GID8: variants seen among roughly 807,000 people sequenced by gnomAD.
GID8 encodes glucose-induced degradation protein 8 homolog.
A neutral mutation model predicts 27.4 loss-of-function variants in GID8; 6 were observed. That is an observed-to-expected ratio of 0.22 (90% confidence interval 0.12 to 0.43). The LOEUF is 0.43. Ranked by LOEUF, GID8 falls within the 20% of genes least tolerant of loss-of-function variation. The pLI is 1.00. For synonymous variants in GID8, 112 were observed against 109.0 expected (o/e 1.03, Z -0.17); for missense variants, 173 against 287.6 (o/e 0.60, Z 2.88).
chr20:62,943,669 C>G lies in GID8; in HGVS notation c.490C>G (p.Leu164Val). The change falls in exon 4 of 5, where the codon CTC becomes GTC. Residue 164 changes from leucine to valine, a missense_variant. Coordinates refer to ENST00000266069, the MANE Select transcript of GID8 (RefSeq NM_017896.3). This position sits in a 1 kb window ranked among gnomAD's most constrained non-coding sequence, Gnocchi z 4.7. ...SPEESPFGDL[L>V]HTMQRQKVWS... is the part of the protein sequence containing the mutation. ...CGAGGAGTCGCCCTTCGGAGACCTCCTCCACACCATGCAGAGGCAGAAGGT... is the reference window on the plus strand; with the variant it reads ...CGAGGAGTCGCCCTTCGGAGACCTCGTCCACACCATGCAGAGGCAGAAGGT... The G allele has an allele frequency of 6.2e-7, 1 of 1,613,478 alleles. No homozygotes were observed. Among genetic ancestry groups the G allele is most frequent in the Non-Finnish European group, 8.5e-7 (1 of 1,179,790 alleles).
chr20:62,939,840 C>T (rs2065432159), intron 1 of GID8, among the ~76,000 whole-genome samples: 1 of 152,174 alleles, frequency 6.6e-6, no homozygotes, highest in East Asian at 1.9e-4. Flanking sequence ...TTTATTGAAA[C>T]ACTTTAGCAG....
rs770682112 is a variant in GID8 at position 62,945,944 on chromosome 20, T to G, written c.*1032T>G. On this transcript the variant is annotated 3_prime_UTR_variant, in exon 5 of 5. Coordinates refer to ENST00000266069, the MANE Select transcript of GID8 (RefSeq NM_017896.3). The stretch of plus-strand genomic sequence containing the variant: ...CAGCTGGCTCTGCCGATGTCCTGCT[T>G]CTGTTCACTCACAGAACTGTCCCCT... 5 of 1,289,470 alleles carry G rather than the reference T, an allele frequency of 3.9e-6. No homozygotes were observed. The highest frequency in any genetic ancestry group is 2.5e-5 in the South Asian group (2 of 81,034). The allele number at this position is 1,289,470 out of a possible 1,614,324, so 79.9% of individuals were successfully genotyped here.
At chr20:62,942,623 C>T (rs2065448469) in intron 2 of GID8, among the ~76,000 whole-genome samples, 1 of 152,164 alleles carries the variant, frequency 6.6e-6, no homozygotes, top group African/African-American at 2.4e-5. Context: ...GCTGTGGAGG[C>T]TGAGCCAGTG....
intron 1 of GID8, among the ~76,000 whole-genome samples, chr20:62,940,046 TA>T (rs1002964076): frequency 1.3e-5 from 2 of 150,864 alleles, no homozygotes; most frequent in African/African-American, 2.4e-5. Flanking sequence ...TGCCCTTATT[TA>T]AAAAAAAACA....
rs1336751655 is a variant in GID8 at position 62,945,887 on chromosome 20, C to T, written c.*975C>T. ...TGTTCATCCTCAGTGATCTGCCCTC[C>T]AGCATCTCGGCAGCATCTCATCCTC... On this transcript the variant is annotated 3_prime_UTR_variant, in exon 5 of 5. Coordinates refer to ENST00000266069, the MANE Select transcript of GID8 (RefSeq NM_017896.3). The T allele has an allele frequency of 7.8e-7, 1 of 1,289,624 alleles. No homozygotes were observed. Among genetic ancestry groups the T allele is most frequent in the Admixed American group, 2.3e-5 (1 of 43,580 alleles). 79.9% of individuals were successfully genotyped at this position (1,289,624 alleles called of 1,614,324 possible).
chr20:62,941,436 C>G, intron 1 of GID8, 55 bp from the exon 2 acceptor site: 1 of 954,934 alleles, frequency 1.0e-6, no homozygotes, highest in Non-Finnish European at 1.7e-6. Flanking sequence ...GCGCTGCCCT[C>G]TGCCCTTGGA....
In GID8 at chr20:62,946,033, TTGA is replaced by T. The variant is rs1568904520; in HGVS notation, c.*1124_*1126del. The stretch of plus-strand genomic sequence containing the variant: ...GTGCATTGCCTGCGAGTCGGGACAG[TTGA>T]TGGGCACATGGCCTTGTAGCTCTGG... On this transcript the variant is annotated 3_prime_UTR_variant, in exon 5 of 5. Transcript: ENST00000266069. 1.6e-6 allele frequency: 2 copies of T among 1,288,602 alleles called. No individual in the cohort carries two copies. Among genetic ancestry groups the T allele is most frequent in the Admixed American group, 4.6e-5 (2 of 43,564 alleles). The allele number at this position is 1,288,602 out of a possible 1,614,324, so 79.8% of individuals were successfully genotyped here. A position where few individuals can be genotyped will look rare whatever the true frequency, so the allele number is the denominator to read the frequency against.
Position 62,943,057 on chromosome 20 carries a change from A to G in GID8, c.189A>G (p.Thr63=), listed in dbSNP as rs768894223. 26 of 1,612,008 alleles carry G rather than the reference A, an allele frequency of 1.6e-5. No individual in the cohort carries two copies. In the East Asian group the frequency reaches 2.5e-4, roughly 15 times the overall value. The change falls in exon 3 of 5, where the codon ACA becomes ACG. Residue 63 remains threonine, a synonymous_variant. Coordinates refer to ENST00000266069, the MANE Select transcript of GID8 (RefSeq NM_017896.3). This position sits in a 1 kb window ranked among gnomAD's most constrained non-coding sequence, Gnocchi z 4.7. ...TCGAACCTAGTGTGGATCTGGAAACACTTGATGAACGAATCAAGATCCGGG... is the reference window on the plus strand; with the variant it reads ...TCGAACCTAGTGTGGATCTGGAAACGCTTGATGAACGAATCAAGATCCGGG... ...SGIEPSVDLE[T]LDERIKIREM...
chr20:62,946,033 T>C lies in GID8; in HGVS notation c.*1121T>C, dbSNP rs1568904516. 7.8e-7 allele frequency: 1 copy of C among 1,288,602 alleles called. No individual in the cohort carries two copies. The highest frequency in any genetic ancestry group is 1.2e-5 in the South Asian group (1 of 81,016). The allele number at this position is 1,288,602 out of a possible 1,614,324, so 79.8% of individuals were successfully genotyped here. A position where few individuals can be genotyped will look rare whatever the true frequency, so the allele number is the denominator to read the frequency against. On this transcript the variant is annotated 3_prime_UTR_variant, in exon 5 of 5. Coordinates refer to ENST00000266069, the MANE Select transcript of GID8 (RefSeq NM_017896.3). ...GTGCATTGCCTGCGAGTCGGGACAG[T>C]TGATGGGCACATGGCCTTGTAGCTC...
rs917943882 is a variant in GID8, at chr20:62,943,854, G to A, written c.513+162G>A. 6.4e-5 allele frequency among the ~76,000 whole-genome samples: 8 copies of A among 125,364 alleles called. 1 individual carries two copies. The highest frequency in any genetic ancestry group is 2.0e-4 in the African/African-American group (7 of 35,606). 82.2% of individuals were successfully genotyped at this position (125,364 alleles called of 152,430 possible). A position where few individuals can be genotyped will look rare whatever the true frequency, so the allele number is the denominator to read the frequency against. On this transcript the variant is annotated intron_variant, in intron 4 of 4. Transcript: ENST00000266069. This position sits in a 1 kb window ranked among gnomAD's most constrained non-coding sequence, Gnocchi z 4.7. ...TTCATGGCTTTTTTTTTTTTTTTTG[G>A]AGGTGAAGTCTTGTTCTGTCGCCCA...
intron 1 of GID8, among the ~76,000 whole-genome samples, chr20:62,940,246 AC>A (rs1212989144): frequency 2.1e-5 from 3 of 143,214 alleles, no homozygotes; most frequent in African/African-American, 7.9e-5. Context: ...GTGCAGTGGC[AC>A]CATCTCGGCT....
rs917063240 is a variant in GID8, at chr20:62,943,228, G to A, written c.315+45G>A. 2.9e-6 allele frequency: 4 copies of A among 1,397,922 alleles called. No individual in the cohort carries two copies. The highest frequency in any genetic ancestry group is 4.0e-6 in the Non-Finnish European group (4 of 1,004,728). The allele number at this position is 1,397,922 out of a possible 1,614,324, so 86.6% of individuals were successfully genotyped here. On this transcript the variant is annotated intron_variant, in intron 3 of 4. Coordinates refer to ENST00000266069, the MANE Select transcript of GID8 (RefSeq NM_017896.3). The surrounding 1 kb of genome is among the most constrained non-coding windows in gnomAD (Gnocchi z 4.7). ...AGTCTGGTTTGTGAATACTTGATAA[G>A]TTAAAGTTATTTGCAATGATTGAGA...
chr20:62,942,754 G>A (rs1285994588), intron 2 of GID8, among the ~76,000 whole-genome samples: 1 of 152,194 alleles, frequency 6.6e-6, no homozygotes, highest in Non-Finnish European at 1.5e-5. Context: ...TTTGGCTAAT[G>A]GGTTAGAGTT....
intron 1 of GID8, chr20:62,938,610 G>A (rs568223508): frequency 6.6e-6 from 1 of 152,368 alleles, no homozygotes; most frequent in African/African-American, 2.4e-5. Flanking sequence ...AAACCGAGCG[G>A]GTGAGGATGT....
At chr20:62,944,380 G>A (rs942521543) in intron 4 of GID8, among the ~76,000 whole-genome samples, 3 of 152,016 alleles carry the variant, frequency 2.0e-5, no homozygotes, top group African/African-American at 7.3e-5. Flanking sequence ...GTCCTCTCCC[G>A]GGGGCTCTGT....
In GID8 at chr20:62,945,355, T is replaced by TG; in HGVS notation, c.*444dup. 7.2e-6 allele frequency: 7 copies of TG among 967,968 alleles called. No individual in the cohort carries two copies. The South Asian group carries it at 2.3e-4, about 32-fold the overall frequency. 60.0% of individuals were successfully genotyped at this position (967,968 alleles called of 1,614,324 possible). The stretch of plus-strand genomic sequence containing the variant: ...TTTTTCCTTACCCCTGTGGTTTTTG[T>TG]GTTTTTTTTTTTTTCTTTTTCCATA... On this transcript the variant is annotated 3_prime_UTR_variant, in exon 5 of 5. Coordinates refer to ENST00000266069, the MANE Select transcript of GID8 (RefSeq NM_017896.3).
rs1417339067 is a variant in GID8, at chr20:62,944,900, G to C, written c.675G>C (p.Glu225Asp). 3.1e-6 allele frequency: 5 copies of C among 1,612,194 alleles called. No homozygotes were observed. Among genetic ancestry groups the C allele is most frequent in the Non-Finnish European group, 4.2e-6 (5 of 1,178,992 alleles). The change falls in exon 5 of 5, where the codon GAG (glutamate) becomes GAC (aspartate). Residue 225 changes from glutamate to aspartate, a missense_variant. Coordinates refer to ENST00000266069, the MANE Select transcript of GID8 (RefSeq NM_017896.3). Reference protein sequence around the residue: ...KMTDLSKGVIEEPK With the variant: ...KMTDLSKGVIDEPK The stretch of plus-strand genomic sequence containing the variant: ...CAGACCTCAGCAAGGGTGTGATTGA[G>C]GAGCCCAAGTAGCGCCTGCGCTTGC...
intron 1 of GID8, among the ~76,000 whole-genome samples, chr20:62,940,099 C>CCT (rs2065434946): frequency 3.3e-5 from 5 of 152,070 alleles, no homozygotes; most frequent in Non-Finnish European, 7.4e-5. Context: ...TGCTAAAGCA[C>CCT]ATGTCATGTA....
At position 62,946,649 on chromosome 20, in the gene GID8, G is replaced by A. The variant is rs1005003466; in HGVS notation, c.*1737G>A. ...TTTTGTAAGGATGCGGTGCTGGGGA[G>A]GTGGTGCTTCCCTACCCCCTAGAAA... On this transcript the variant is annotated 3_prime_UTR_variant, in exon 5 of 5. Transcript: ENST00000266069. The A allele has an allele frequency of 6.6e-6, 1 of 152,264 alleles. No individual in the cohort carries two copies. The highest frequency in any genetic ancestry group is 2.1e-4 in the South Asian group (1 of 4,838). 9.4% of individuals were successfully genotyped at this position (152,264 alleles called of 1,614,324 possible).
Sources: allele counts gnomAD v4.1 joint callset (sites outside exome capture counted in the v4.1 genomes callset), GRCh38; gene constraint gnomAD v4.1.1; non-coding constraint Gnocchi (gnomAD v3.1); transcripts MANE v1.5; gene names NCBI Gene and HGNC (gene_info 2026-07-23, HGNC 2026-07-21).